The following STAU1 variants were observed in gnomAD, a reference collection of about 807,000 sequenced individuals.
The protein encoded by STAU1 is double-stranded RNA-binding protein Staufen homolog 1.
A neutral mutation model predicts 62.9 loss-of-function variants in STAU1; 13 were observed. That is an observed-to-expected ratio of 0.21 (90% CI 0.13 to 0.33). The LOEUF (loss-of-function observed/expected upper bound fraction) is 0.33, where lower values mean the gene tolerates loss of function less well. STAU1 is among the 10% of genes least tolerant of loss of function. STAU1 has a pLI of 1.00. For synonymous variants in STAU1, 269 were observed against 265.1 expected, an observed-to-expected ratio of 1.01 and a Z score of -0.14; for missense variants, 571 against 712.1, an observed-to-expected ratio of 0.80 and a Z score of 2.25.
the STAU1 span, among the ~76,000 whole-genome samples, chr20:49,195,914 A>AAG: frequency 6.3e-5 from 5 of 78,874 alleles, no homozygotes; most frequent in South Asian, 1.5e-3. Context: ...AAAAAAAAAA[A>AAG]AAAGAAAAAA....
the STAU1 span, among the ~76,000 whole-genome samples, chr20:49,205,240 C>A: frequency 6.6e-6 from 1 of 152,050 alleles, no homozygotes; most frequent in Admixed American, 6.6e-5. Context: ...TGATGGAGAG[C>A]GTTTTGGTCA....
intron 5 of STAU1, among the ~76,000 whole-genome samples, chr20:49,142,247 T>C (rs1241723949): frequency 1.3e-5 from 2 of 151,932 alleles, no homozygotes; most frequent in African/African-American, 4.8e-5. Context: ...CCACCATGCC[T>C]GGCTAATTTT....
chr20:49,166,720 G>A (rs928519037), intron 2 of STAU1, among the ~76,000 whole-genome samples: 4 of 152,206 alleles, frequency 2.6e-5, no homozygotes, highest in African/African-American at 9.6e-5. Flanking sequence ...AGGAACAGGT[G>A]AATGTGAACA....
In STAU1 at chr20:49,114,845, G is replaced by A. The variant is rs1415261059; in HGVS notation, c.*33C>T. On this transcript the variant is annotated 3_prime_UTR_variant, in exon 14 of 14. Coordinates refer to ENST00000371856, the MANE Select transcript of STAU1 (RefSeq NM_017453.4). Reference sequence around the variant, plus strand: ...TTTCAGTATTTTCAGTATATATGTTGGGATTTTATAATGGTTCATGGCCAG... The same window carrying A: ...TTTCAGTATTTTCAGTATATATGTTAGGATTTTATAATGGTTCATGGCCAG... The A allele has an allele frequency of 5.6e-6, 9 of 1,610,290 alleles. No individual in the cohort carries two copies. In the South Asian group the frequency reaches 9.9e-5, roughly 18 times the overall value.
chr20:49,183,313 T>A (rs962120359), intron 1 of STAU1, among the ~76,000 whole-genome samples: 2 of 152,224 alleles, frequency 1.3e-5, no homozygotes, highest in African/African-American at 4.8e-5. Flanking sequence ...TTATATTTCC[T>A]CAAATTGAAC....
At chr20:49,216,007 C>CAAAAAAAAAAA in the STAU1 span, among the ~76,000 whole-genome samples, 17 of 36,446 alleles carry the variant, frequency 4.7e-4, no homozygotes, top group African/African-American at 6.4e-4. Flanking sequence ...GACTATGTCT[C>CAAAAAAAAAAA]AAAAAAAAAA....
intron 8 of STAU1, among the ~76,000 whole-genome samples, chr20:49,122,046 T>C (rs762300298): frequency 6.6e-5 from 10 of 152,238 alleles, no homozygotes; most frequent in Non-Finnish European, 1.5e-4. Flanking sequence ...GAAAGGATCA[T>C]TCTTTTCCTA....
At chr20:49,175,748 C>T (rs2093652017) in intron 1 of STAU1, among the ~76,000 whole-genome samples, 2 of 149,720 alleles carry the variant, frequency 1.3e-5, no homozygotes, top group Non-Finnish European at 3.0e-5. Flanking sequence ...CTCAGCCTCC[C>T]AAAGTGCTGG....
At chr20:49,164,325 C>A (rs1445911519) in intron 3 of STAU1, among the ~76,000 whole-genome samples, 1 of 151,876 alleles carries the variant, frequency 6.6e-6, no homozygotes, top group African/African-American at 2.4e-5. Flanking sequence ...GAGACAGGGT[C>A]TCGCTCTGTC....
At position 49,180,440 on chromosome 20, in the gene STAU1, CA is replaced by C. The variant is rs1434480404; in HGVS notation, c.-159-6172del. 2.0e-5 allele frequency among the ~76,000 whole-genome samples: 3 copies of C among 152,222 alleles called. No homozygotes were observed. In the East Asian group the frequency reaches 5.8e-4, roughly 29 times the overall value. On this transcript the variant is annotated intron_variant, in intron 1 of 13. Coordinates refer to ENST00000371856, the MANE Select transcript of STAU1 (RefSeq NM_017453.4). Reference sequence around the variant, plus strand: ...CCGGGTTCAAGCCATTCTCCTGCCTCAGCCCCCGGGGTAGCTGGGATTACAG... The same window carrying C: ...CCGGGTTCAAGCCATTCTCCTGCCTCGCCCCCGGGGTAGCTGGGATTACAG...
intron 3 of STAU1, among the ~76,000 whole-genome samples, chr20:49,164,542 G>C (rs1476578530): frequency 1.3e-5 from 2 of 151,312 alleles, no homozygotes; most frequent in African/African-American, 2.4e-5. Context: ...CTCCCCACTC[G>C]GCCTCCCAAA....
intron 5 of STAU1, among the ~76,000 whole-genome samples, chr20:49,146,098 C>T (rs975595464): frequency 6.6e-6 from 1 of 152,062 alleles, no homozygotes; most frequent in South Asian, 2.1e-4. Context: ...GGTGAAACCT[C>T]GTCTCTACCA....
rs2092251418 is a variant in STAU1, at chr20:49,114,124, A to G, written c.*754T>C. ...AAACTGTCCTGGGTTAGTCAATGAAATAAAAATGTCTAACCACATACACAT... is the reference window on the plus strand; with the variant it reads ...AAACTGTCCTGGGTTAGTCAATGAAGTAAAAATGTCTAACCACATACACAT... On this transcript the variant is annotated 3_prime_UTR_variant, in exon 14 of 14. Transcript: ENST00000371856. The G allele has an allele frequency of 6.6e-6, 1 of 152,632 alleles. No individual in the cohort carries two copies. The highest frequency in any genetic ancestry group is 6.5e-5 in the Admixed American group (1 of 15,284). 9.5% of individuals were successfully genotyped at this position (152,632 alleles called of 1,614,324 possible). A position where few individuals can be genotyped will look rare whatever the true frequency, so the allele number is the denominator to read the frequency against.
At chr20:49,174,650 T>G (rs1251130715) in intron 1 of STAU1, among the ~76,000 whole-genome samples, 1 of 151,142 alleles carries the variant, frequency 6.6e-6, no homozygotes, top group East Asian at 1.9e-4. Flanking sequence ...GTTAAGAGAT[T>G]GAGACTGCCA....
chr20:49,142,177 C>T (rs1236714489), intron 5 of STAU1, among the ~76,000 whole-genome samples: 2 of 152,154 alleles, frequency 1.3e-5, no homozygotes, highest in Non-Finnish European at 2.9e-5. Context: ...ACCTCCGCCT[C>T]CTGGGTTCCA....
At chr20:49,166,860 CTTGT>C (rs1415143851) in intron 2 of STAU1, among the ~76,000 whole-genome samples, 1 of 152,086 alleles carries the variant, frequency 6.6e-6, no homozygotes, top group Non-Finnish European at 1.5e-5. Flanking sequence ...TCCTAAAAGG[CTTGT>C]TTGAGGTCTC....
intron 3 of STAU1, among the ~76,000 whole-genome samples, chr20:49,157,002 G>A (rs974877545): frequency 2.6e-5 from 4 of 151,442 alleles, no homozygotes; most frequent in African/African-American, 7.3e-5. Context: ...TCAGTCTCCC[G>A]AGTAGCTGGG....
intron 2 of STAU1, among the ~76,000 whole-genome samples, chr20:49,166,635 T>C (rs1158421545): frequency 6.6e-6 from 1 of 152,222 alleles, no homozygotes; most frequent in African/African-American, 2.4e-5. Flanking sequence ...GTTTCCATAG[T>C]AATTGGGGCA....
At chr20:49,126,759 T>C (rs181449070) in intron 6 of STAU1, among the ~76,000 whole-genome samples, 1 of 151,794 alleles carries the variant, frequency 6.6e-6, no homozygotes, top group Non-Finnish European at 1.5e-5. Flanking sequence ...GAAAAAGACC[T>C]GCACATATAA....
Sources: allele counts gnomAD v4.1 joint callset (sites outside exome capture counted in the v4.1 genomes callset), GRCh38; gene constraint gnomAD v4.1.1; transcripts MANE v1.5; gene names NCBI Gene and HGNC (gene_info 2026-07-23, HGNC 2026-07-21).